NT5C2: variants seen among roughly 807,000 people sequenced by gnomAD.
NT5C2 encodes the protein 5'-nucleotidase, cytosolic II, also known as cytosolic purine 5'-nucleotidase.
Under a neutral mutation model 76.1 loss-of-function variants are expected in NT5C2, and 58 were observed. That is an observed-to-expected ratio of 0.76 (90% CI 0.62 to 0.95). The LOEUF (loss-of-function observed/expected upper bound fraction) is 0.95, where lower values mean the gene tolerates loss of function less well. Among genes scored for constraint, NT5C2 ranks in the 40% least tolerant of loss-of-function variants. The pLI is 0.00. For synonymous variants in NT5C2, 229 were observed against 237.4 expected (o/e 0.96, Z 0.32); for missense variants, 478 against 690.3 (o/e 0.69, Z 3.45).
intron 4 of NT5C2, among the ~76,000 whole-genome samples, chr10:103,135,117 T>C (rs999852990): frequency 6.6e-5 from 10 of 152,216 alleles, no homozygotes; most frequent in Non-Finnish European, 1.5e-4. Context: ...TTAGTTAATG[T>C]TGAAATGAGT....
Position 103,115,318 on chromosome 10 carries a change from C to T in NT5C2, c.176-8612G>A, listed in dbSNP as rs2074069840. 5.9e-5 allele frequency among the ~76,000 whole-genome samples: 9 copies of T among 152,138 alleles called. No individual in the cohort carries two copies. In the South Asian group the frequency reaches 1.7e-3, roughly 28 times the overall value. ...TCAGGAGGCTGAGGCAGGAGAATTG[C>T]TTGAACCCGGGAGGCGGAGGTTGCA... is the stretch of plus-strand genomic sequence containing the variant. On this transcript the variant is annotated intron_variant, in intron 4 of 18. Coordinates refer to ENST00000404739, the MANE Select transcript of NT5C2 (RefSeq NM_001351169.2).
chr10:103,117,433 G>A (rs530317318), intron 4 of NT5C2, among the ~76,000 whole-genome samples: 2 of 152,284 alleles, frequency 1.3e-5, no homozygotes, highest in East Asian at 1.9e-4. Flanking sequence ...GACTGCTTGA[G>A]CCCAGCAGTT....
At chr10:103,164,882 T>C (rs2085970760) in intron 3 of NT5C2, among the ~76,000 whole-genome samples, 1 of 152,212 alleles carries the variant, frequency 6.6e-6, no homozygotes, top group Admixed American at 6.5e-5. Context: ...CTTCTTAATT[T>C]TACTGTTAGA....
At chr10:103,095,419 G>C (rs1303661367) in intron 12 of NT5C2, among the ~76,000 whole-genome samples, 1 of 152,182 alleles carries the variant, frequency 6.6e-6, no homozygotes, top group Non-Finnish European at 1.5e-5. Flanking sequence ...GTAAGTATGT[G>C]ACTAAGTTGC....
chr10:103,164,627 G>A (rs1287306639), intron 3 of NT5C2, among the ~76,000 whole-genome samples: 2 of 151,968 alleles, frequency 1.3e-5, no homozygotes, highest in African/African-American at 2.4e-5. Context: ...AATAAATTGT[G>A]GTATATTGAT....
intron 4 of NT5C2, among the ~76,000 whole-genome samples, chr10:103,125,778 C>T (rs2076543181): frequency 6.6e-6 from 1 of 152,172 alleles, no homozygotes; most frequent in African/African-American, 2.4e-5. Flanking sequence ...TATTTTCACT[C>T]CATTGTCCAC....
intron 2 of NT5C2, among the ~76,000 whole-genome samples, chr10:103,176,728 G>C (rs941850128): frequency 3.3e-5 from 5 of 152,074 alleles, no homozygotes; most frequent in African/African-American, 1.2e-4. Context: ...GGCTGGTCTC[G>C]AACTCCTGGG....
At chr10:103,159,247 A>ACATG (rs1251716167) in intron 3 of NT5C2, among the ~76,000 whole-genome samples, 1 of 115,668 alleles carries the variant, frequency 8.6e-6, no homozygotes, top group Non-Finnish European at 1.7e-5. Flanking sequence ...CATCTCCAAA[A>ACATG]CATGCACACA....
intron 6 of NT5C2, chr10:103,105,272 T>TA (rs775027366): frequency 4.2e-4 from 105 of 250,532 alleles, no homozygotes; most frequent in Non-Finnish European, 7.2e-4. Context: ...CATTAGAATC[T>TA]AAAAAACGTA....
chr10:103,189,091 G>T (rs960619169), intron 1 of NT5C2, among the ~76,000 whole-genome samples: 4 of 151,398 alleles, frequency 2.6e-5, no homozygotes, highest in Admixed American at 6.6e-5. Flanking sequence ...GAAATTTAAC[G>T]GCTTAAAAAA....
intron 4 of NT5C2, among the ~76,000 whole-genome samples, chr10:103,138,752 A>G (rs2079809238): frequency 6.6e-6 from 1 of 152,266 alleles, no homozygotes; most frequent in Admixed American, 6.5e-5. Flanking sequence ...TCACGCCTGT[A>G]AACCCAGCAC....
At chr10:103,108,309 A>G (rs2071942022) in intron 4 of NT5C2, among the ~76,000 whole-genome samples, 1 of 152,244 alleles carries the variant, frequency 6.6e-6, no homozygotes. Context: ...GCTAAATGCC[A>G]AATGAGGCAA....
intron 1 of NT5C2, among the ~76,000 whole-genome samples, chr10:103,191,157 C>T (rs1053821969): frequency 6.6e-6 from 1 of 152,084 alleles, no homozygotes; most frequent in Admixed American, 6.6e-5. Flanking sequence ...CTTGGGAGGC[C>T]GAGGCGGGCA....
intron 4 of NT5C2, among the ~76,000 whole-genome samples, chr10:103,121,993 A>G (rs7915816): frequency 0.32 from 47,887 of 151,920 alleles, 7,634 homozygotes; most frequent in Middle Eastern, 0.36. Context: ...GGACCAGCCT[A>G]GCCAACCCTG....
At chr10:103,151,861 T>C (rs1297605297) in intron 3 of NT5C2, among the ~76,000 whole-genome samples, 4 of 152,164 alleles carry the variant, frequency 2.6e-5, no homozygotes, top group Non-Finnish European at 4.4e-5. Flanking sequence ...ATATACTCCA[T>C]GTACTTCAAA....
intron 3 of NT5C2, among the ~76,000 whole-genome samples, chr10:103,152,554 T>G (rs2082588836): frequency 6.6e-6 from 1 of 152,092 alleles, no homozygotes; most frequent in African/African-American, 2.4e-5. Context: ...TCCAGAAAAA[T>G]AAAAACTAAA....
chr10:103,177,515 T>C (rs912129053), intron 2 of NT5C2, among the ~76,000 whole-genome samples: 2 of 152,214 alleles, frequency 1.3e-5, no homozygotes, highest in Non-Finnish European at 2.9e-5. Flanking sequence ...AGTCAATATA[T>C]ACCTCCCTTC....
chr10:103,182,047 T>C (rs2091177516), intron 1 of NT5C2, among the ~76,000 whole-genome samples: 1 of 151,986 alleles, frequency 6.6e-6, no homozygotes, highest in African/African-American at 2.4e-5. Flanking sequence ...TCAGCACTTC[T>C]TTTCATGACA....
Position 103,174,953 on chromosome 10 carries a change from T to G in NT5C2, c.6A>C (p.Ser2=). ...TCTGTAACCGATCACTCCAGGAGGT[T>G]GACATTTTATTTTAACTGTATTTTG... is the stretch of plus-strand genomic sequence containing the variant. M[S]TSWSDRLQNA... The change falls in exon 3 of 19, where the codon TCA becomes TCC. Residue 2 remains serine (S), a synonymous_variant. Transcript: ENST00000404739. 6.3e-7 allele frequency: 1 copy of G among 1,596,714 alleles called. No individual in the cohort carries two copies. Among genetic ancestry groups the G allele is most frequent in the Non-Finnish European group, 8.6e-7 (1 of 1,164,628 alleles).
Sources: allele counts gnomAD v4.1 joint callset (sites outside exome capture counted in the v4.1 genomes callset), GRCh38; gene constraint gnomAD v4.1.1; transcripts MANE v1.5; gene names NCBI Gene and HGNC (gene_info 2026-07-23, HGNC 2026-07-21).